The following TF variants were observed in gnomAD, a reference collection of about 807,000 sequenced individuals.
The protein encoded by TF is serotransferrin.
In TF, 55 loss-of-function variants were observed where a neutral mutation model predicts 82.4. The observed-to-expected ratio is 0.67, with a 90% CI of 0.54 to 0.84. The LOEUF is 0.84. TF is among the 40% of genes least tolerant of loss of function. The pLI is 0.00. For synonymous variants in TF, 332 were observed against 332.6 expected (o/e 1.00, Z 0.02); for missense variants, 737 against 868.4 (o/e 0.85, Z 1.90).
At chr3:133,729,223 C>T in the TF span, among the ~76,000 whole-genome samples, 1 of 152,246 alleles carries the variant, frequency 6.6e-6, no homozygotes, top group African/African-American at 2.4e-5. Flanking sequence ...GCAGAGGTTA[C>T]TGCTGTCTTT....
chr3:133,697,501 C>A, the TF span, among the ~76,000 whole-genome samples: 9 of 152,174 alleles, frequency 5.9e-5, no homozygotes, highest in Admixed American at 1.3e-4. Context: ...TTTATGGAAA[C>A]GACAGATTGT....
chr3:133,704,583 G>A, the TF span, among the ~76,000 whole-genome samples: 1 of 152,162 alleles, frequency 6.6e-6, no homozygotes, highest in Non-Finnish European at 1.5e-5. Flanking sequence ...CTGGCACGGG[G>A]CTGCAAGTCA....
the TF span, among the ~76,000 whole-genome samples, chr3:133,722,395 C>A: frequency 1.3e-5 from 2 of 151,970 alleles, no homozygotes; most frequent in Non-Finnish European, 2.9e-5. Context: ...GAGAATGTAA[C>A]CCATTTACAT....
At chr3:133,767,662 A>G (rs964876166) in intron 12 of TF, among the ~76,000 whole-genome samples, 9 of 152,238 alleles carry the variant, frequency 5.9e-5, no homozygotes, top group African/African-American at 2.2e-4. Flanking sequence ...AATGAATGGC[A>G]GGGAATGGGG....
chr3:133,686,926 C>G, the TF span, among the ~76,000 whole-genome samples: 1 of 152,176 alleles, frequency 6.6e-6, no homozygotes, highest in Non-Finnish European at 1.5e-5. Context: ...TTCACAATAG[C>G]AAAGACTTGA....
At chr3:133,675,742 A>T in the TF span, among the ~76,000 whole-genome samples, 1 of 152,230 alleles carries the variant, frequency 6.6e-6, no homozygotes, top group Admixed American at 6.5e-5. Context: ...CATGTGGAGC[A>T]GTGCTATGTG....
At chr3:133,772,321 T>A (rs911016057) in intron 14 of TF, among the ~76,000 whole-genome samples, 1 of 152,170 alleles carries the variant, frequency 6.6e-6, no homozygotes, top group Non-Finnish European at 1.5e-5. Flanking sequence ...TTTCTTTTGG[T>A]ACTTTTCTGA....
chr3:133,778,607 T>C lies in TF; in HGVS notation c.2084T>C (p.Phe695Ser). Reference sequence around the variant, plus strand: ...ACAGCACTCCTGGAAGCCTGCACTTTCCGTAGACCTTAAAATCTCAGAGGT... The same window carrying C: ...ACAGCACTCCTGGAAGCCTGCACTTCCCGTAGACCTTAAAATCTCAGAGGT... ...STSSLLEACT[F>S]RRP The change falls in exon 17 of 17, where the codon TTC becomes TCC. Residue 695 changes from phenylalanine to serine, a missense_variant. Physicochemically the swap from Phe to Ser is radical, Grantham distance 155. Coordinates refer to ENST00000402696, the MANE Select transcript of TF (RefSeq NM_001063.4). The C allele has an allele frequency of 6.2e-7, 1 of 1,613,538 alleles. No individual in the cohort carries two copies.
At chr3:133,754,404 C>T (rs565512843) in intron 3 of TF, 91 bp from the exon 4 acceptor site, 113 of 1,372,058 alleles carry the variant, frequency 8.2e-5, no homozygotes, top group African/African-American at 1.1e-4. Flanking sequence ...ATGGCCTCTC[C>T]GCTCCCCTCC....
At chr3:133,748,328 G>C in intron 1 of TF, 84 bp from the exon 2 acceptor site, 1 of 1,542,418 alleles carries the variant, frequency 6.5e-7, no homozygotes, top group Non-Finnish European at 8.9e-7. Flanking sequence ...AGGGGATGTG[G>C]CTGTCAAGGC....
chr3:133,675,748 A>G, the TF span, among the ~76,000 whole-genome samples: 1 of 152,220 alleles, frequency 6.6e-6, no homozygotes, highest in Non-Finnish European at 1.5e-5. Flanking sequence ...GAGCAGTGCT[A>G]TGTGCCCTGA....
intron 9 of TF, among the ~76,000 whole-genome samples, chr3:133,762,654 G>A (rs6439439): frequency 6.6e-6 from 1 of 151,850 alleles, no homozygotes; most frequent in African/African-American, 2.4e-5. Context: ...ACTACCATAC[G>A]TAAAGTACTT....
intron 2 of TF, 136 bp from the exon 3 acceptor site, chr3:133,753,459 C>T: frequency 1.4e-6 from 1 of 733,970 alleles, no homozygotes; most frequent in Non-Finnish European, 2.4e-6. Context: ...CTGAAGCCAG[C>T]AGGGCTGTGC....
chr3:133,748,034 T>G, intron 1 of TF: 5 of 222,566 alleles, frequency 2.2e-5, no homozygotes, highest in Non-Finnish European at 3.7e-5. Flanking sequence ...AGCAAGCCAA[T>G]GTGTTGGGGT....
the TF span, chr3:133,707,686 A>T: frequency 1.3e-5 from 2 of 152,232 alleles, no homozygotes; most frequent in African/African-American, 2.4e-5. Flanking sequence ...GTACGTGGGG[A>T]AAGCAGGGAG....
At chr3:133,672,391 T>G in the TF span, among the ~76,000 whole-genome samples, 1 of 151,778 alleles carries the variant, frequency 6.6e-6, no homozygotes, top group Non-Finnish European at 1.5e-5. Context: ...GCAACCAAAC[T>G]TTTAGTGACA....
the TF span, among the ~76,000 whole-genome samples, chr3:133,675,194 G>A: frequency 2.2e-5 from 3 of 137,500 alleles, no homozygotes; most frequent in African/African-American, 8.4e-5. Flanking sequence ...GCAGTGAGCC[G>A]AGATCACGCC....
intron 9 of TF, among the ~76,000 whole-genome samples, chr3:133,762,787 G>T (rs188392556): frequency 3.3e-5 from 5 of 152,118 alleles, no homozygotes; most frequent in Non-Finnish European, 2.9e-5. Flanking sequence ...AAAACACAAA[G>T]AATTTAATAC....
At position 133,783,343 on chromosome 3, in the gene TF, G is replaced by C. The variant is rs939594388; in HGVS notation, c.*4723G>C. 2.0e-5 allele frequency: 3 copies of C among 152,160 alleles called. No individual in the cohort carries two copies. Among genetic ancestry groups the C allele is most frequent in the African/African-American group, 4.8e-5 (2 of 41,438 alleles). 9.4% of individuals were successfully genotyped at this position (152,160 alleles called of 1,614,324 possible). ...ATGATAAAGCTGGCATTATACTCGG[G>C]GGGGACAGATAGGCTACTCACTGAA... On this transcript the variant is annotated 3_prime_UTR_variant, in exon 17 of 17. Coordinates refer to ENST00000402696, the MANE Select transcript of TF (RefSeq NM_001063.4).
Sources: allele counts gnomAD v4.1 joint callset (sites outside exome capture counted in the v4.1 genomes callset), GRCh38; gene constraint gnomAD v4.1.1; transcripts MANE v1.5; gene names NCBI Gene and HGNC (gene_info 2026-07-23, HGNC 2026-07-21).